AKAP9: variants seen among roughly 807,000 people sequenced by gnomAD.
The protein encoded by AKAP9 is A-kinase anchoring protein 9.
Under a neutral mutation model 488.5 loss-of-function variants are expected in AKAP9, and 311 were observed. The observed-to-expected ratio is 0.64, with a 90% CI of 0.58 to 0.70. The LOEUF (loss-of-function observed/expected upper bound fraction) is 0.70. Ranked by LOEUF, AKAP9 falls within the 30% of genes least tolerant of loss-of-function variation. The probability of loss-of-function intolerance (pLI) is 0.00; values close to 1 mark genes in which losing one functional copy is unlikely to be tolerated. For missense variants in AKAP9, 4,215 were observed against 4,374.5 expected (o/e 0.96, Z 1.03); for synonymous variants, 1,462 against 1,483.5 (o/e 0.99, Z 0.33).
At position 92,017,083 on chromosome 7, in the gene AKAP9, T is replaced by A; in HGVS notation, c.3818T>A (p.Leu1273His). Residue 1273 changes from leucine (L) to histidine (H), a missense_variant, in exon 12 of 50, where the codon CTT (leucine) becomes CAT (histidine). Physicochemically the swap from Leu to His is moderately conservative, Grantham distance 99. This residue lies in a region of AKAP9 where 2,361 missense variants were observed against 2,430.0 expected (regional missense o/e 0.97). Transcript: ENST00000356239. Reference protein sequence around the residue: ...VTEEYNKLLVLQTRLSKIWGQ... With the variant: ...VTEEYNKLLVHQTRLSKIWGQ... The stretch of plus-strand genomic sequence containing the variant: ...GAAGAATACAACAAACTCTTGGTAC[T>A]TCAAACACGACTAAGCAAGGTCTGT... The A allele has an allele frequency of 6.3e-7, 1 of 1,582,860 alleles. No individual in the cohort carries two copies. Among genetic ancestry groups the A allele is most frequent in the Non-Finnish European group, 8.6e-7 (1 of 1,156,804 alleles).
Position 92,014,348 on chromosome 7 carries a change from T to A in AKAP9, c.3612+20T>A, listed in dbSNP as rs776854488. 3 of 1,538,524 alleles carry A rather than the reference T, an allele frequency of 1.9e-6. No individual in the cohort carries two copies. The highest frequency in any genetic ancestry group is 2.7e-6 in the Non-Finnish European group (3 of 1,115,138). ...TTACAGGTAAAATGTTTAAAAGTAC[T>A]TTTATGGCCAGATGTGGTGGCTGAC... is the stretch of plus-strand genomic sequence containing the variant. On this transcript the variant is annotated intron_variant, in intron 10 of 49. Transcript: ENST00000356239.
chr7:92,047,224 C>T (rs1807153063), intron 21 of AKAP9, among the ~76,000 whole-genome samples: 1 of 148,708 alleles, frequency 6.7e-6, no homozygotes, highest in Non-Finnish European at 1.5e-5. Context: ...GTTTTCTTTC[C>T]TTTTTTTTTT....
chr7:92,101,379 G>A (rs1402095531), intron 45 of AKAP9, among the ~76,000 whole-genome samples: 1 of 151,612 alleles, frequency 6.6e-6, no homozygotes, highest in Non-Finnish European at 1.5e-5. Context: ...GGAGGTTGCA[G>A]TGAGCCGAGA....
chr7:92,070,927 G>T lies in AKAP9; in HGVS notation c.6530G>T (p.Gly2177Val). Residue 2177 changes from glycine to valine, a missense_variant, in exon 28 of 50, where the codon GGA (glycine) becomes GTA (valine). By Grantham distance (109) the Gly-to-Val change is moderately radical. This residue lies in a region of AKAP9 where 2,361 missense variants were observed against 2,430.0 expected (regional missense o/e 0.97). Coordinates refer to ENST00000356239, the MANE Select transcript of AKAP9 (RefSeq NM_005751.5). The part of the protein sequence containing the change: ...FQKVEDRKHF[G>V]AVEAKPELSL... ...AAGGTAGAGGACCGAAAACACTTTG[G>T]AGCTGTAGAAGCTAAACCAGAATTG... is the stretch of plus-strand genomic sequence containing the variant. 6.2e-7 allele frequency: 1 copy of T among 1,613,604 alleles called. No individual in the cohort carries two copies.
At position 92,003,051 on chromosome 7, in the gene AKAP9, A is replaced by G. The variant is rs1727626361; in HGVS notation, c.3134A>G (p.Glu1045Gly). ...VSKVNKSFGE[E>G]SKIMVEDKVS... is the part of the protein sequence containing the mutation. The stretch of plus-strand genomic sequence containing the variant: ...AAAGTAAATAAAAGTTTTGGTGAAG[A>G]ATCAAAAATAATGGTGGAAGATAAA... Residue 1045 changes from glutamate (E) to glycine (G), a missense_variant, in exon 8 of 50, where the codon GAA becomes GGA. Physicochemically the swap from Glu to Gly is moderately conservative, Grantham distance 98. Transcript: ENST00000356239. The G allele has an allele frequency of 3.7e-6, 6 of 1,613,282 alleles. No homozygotes were observed. Among genetic ancestry groups the G allele is most frequent in the African/African-American group, 1.3e-5 (1 of 75,006 alleles).
intron 31 of AKAP9, among the ~76,000 whole-genome samples, chr7:92,080,977 A>C (rs1385534492): frequency 2.0e-5 from 3 of 152,198 alleles, no homozygotes; most frequent in African/African-American, 7.2e-5. Context: ...TTAACTTAAC[A>C]CTGTGTAGTC....
At chr7:91,970,584 A>G (rs1441423412) in intron 1 of AKAP9, 2 of 437,862 alleles carry the variant, frequency 4.6e-6, no homozygotes, top group South Asian at 1.7e-5. Context: ...TTTGAAGGAT[A>G]GCTTTGCTGG....
chr7:92,009,726 A>G (rs1800429940), intron 8 of AKAP9, among the ~76,000 whole-genome samples: 1 of 152,238 alleles, frequency 6.6e-6, no homozygotes, highest in African/African-American at 2.4e-5. Flanking sequence ...ATTATAGATG[A>G]ATCTTACTTA....
chr7:92,097,754 G>A lies in AKAP9; in HGVS notation c.10567G>A (p.Ala3523Thr). The change falls in exon 42 of 50, where the codon GCT becomes ACT. Residue 3523 changes from alanine to threonine, a missense_variant. Physicochemically the swap from Ala to Thr is moderately conservative, Grantham distance 58 (BLOSUM62 0). Around this residue, in one of 5 missense-constraint regions of AKAP9, gnomAD observed 1,476 missense variants for 1,477.4 expected, o/e 1.00. Coordinates refer to ENST00000356239, the MANE Select transcript of AKAP9 (RefSeq NM_005751.5). ...GATCAGACAAAAGCTTCAATGTGTA[G>A]CTTCAAAACTACAGGTTCTACCCCA... Reference protein sequence around the residue: ...EMIRQKLQCVASKLQVLPQKA... With the variant: ...EMIRQKLQCVTSKLQVLPQKA... The A allele has an allele frequency of 6.2e-7, 1 of 1,614,188 alleles. No homozygotes were observed. The highest frequency in any genetic ancestry group is 1.1e-5 in the South Asian group (1 of 91,088).
chr7:92,001,021 A>T lies in AKAP9; in HGVS notation c.1104A>T (p.Gln368His). 1.3e-6 allele frequency: 2 copies of T among 1,571,276 alleles called. No homozygotes were observed. Among genetic ancestry groups the T allele is most frequent in the Admixed American group, 1.9e-5 (1 of 52,784 alleles). ...LLGELQEQIV[Q>H]KNQEIKNMKL... is the part of the protein sequence containing the mutation. ...GAGAATTACAAGAACAGATTGTGCA[A>T]AAGAACCAAGAAATAAAAAACATGA... The change falls in exon 8 of 50, where the codon CAA becomes CAT. Residue 368 changes from glutamine (Q) to histidine (H), a missense_variant. Around this residue, in one of 5 missense-constraint regions of AKAP9, gnomAD observed 2,361 missense variants for 2,430.0 expected, o/e 0.97. Coordinates refer to ENST00000356239, the MANE Select transcript of AKAP9 (RefSeq NM_005751.5).
chr7:91,951,626 A>G (rs941474029), intron 1 of AKAP9, among the ~76,000 whole-genome samples: 1 of 152,082 alleles, frequency 6.6e-6, no homozygotes, highest in African/African-American at 2.4e-5. Context: ...CGCCCAGCCA[A>G]TTTTCTCTTT....
chr7:92,033,442 CTTTT>C (rs35497475), intron 16 of AKAP9, among the ~76,000 whole-genome samples: 3 of 107,340 alleles, frequency 2.8e-5, no homozygotes, highest in East Asian at 5.0e-4. Flanking sequence ...CTTTTCTTTT[CTTTT>C]TTTTTTTTTT....
rs1366935225 is a variant in AKAP9, at chr7:91,980,685, CATTTT to C, written c.351+353_351+357del. 1.6e-4 allele frequency among the ~76,000 whole-genome samples: 25 copies of C among 151,632 alleles called. No individual in the cohort carries two copies. The East Asian group carries it at 4.1e-3, about 25-fold the overall frequency. ...TTTTGAGACTTTGAATAGGATATTTCATTTTGAGTAATGCTTTTTTATAAATGCTT... is the reference window on the plus strand; with the variant it reads ...TTTTGAGACTTTGAATAGGATATTTCGAGTAATGCTTTTTTATAAATGCTT... On this transcript the variant is annotated intron_variant, in intron 3 of 49. Coordinates refer to ENST00000356239, the MANE Select transcript of AKAP9 (RefSeq NM_005751.5).
At chr7:92,038,382 A>G (rs780471262) in intron 16 of AKAP9, 37 bp from the exon 17 acceptor site, 12 of 1,521,866 alleles carry the variant, frequency 7.9e-6, no homozygotes, top group Non-Finnish European at 9.1e-6. Flanking sequence ...TGATATTTCT[A>G]AATCTAATCC....
chr7:92,001,997 C>A lies in AKAP9; in HGVS notation c.2080C>A (p.Gln694Lys). Reference protein sequence around the residue: ...EKDNLITKQNQLILEISKLKD... With the variant: ...EKDNLITKQNKLILEISKLKD... ...GGACAATTTGATAACTAAGCAGAAT[C>A]AATTAATTTTGGAAATTTCAAAGCT... is the stretch of plus-strand genomic sequence containing the variant. Residue 694 changes from glutamine to lysine, a missense_variant, in exon 8 of 50, where the codon CAA becomes AAA. By Grantham distance (53) the Gln-to-Lys change is moderately conservative (BLOSUM62 1). Coordinates refer to ENST00000356239, the MANE Select transcript of AKAP9 (RefSeq NM_005751.5). The A allele has an allele frequency of 6.2e-7, 1 of 1,611,642 alleles. No individual in the cohort carries two copies. Among genetic ancestry groups the A allele is most frequent in the South Asian group, 1.1e-5 (1 of 90,250 alleles).
In AKAP9 at chr7:92,093,188, G is replaced by T. The variant is rs983376080; in HGVS notation, c.9450G>T (p.Leu3150=). The change falls in exon 39 of 50, where the codon CTG becomes CTT. Residue 3150 remains leucine (L), a synonymous_variant. Transcript: ENST00000356239. ...LSSMKDRATE[L]QEQLSSEKMV... ...GTATGAAAGACAGAGCAACGGAACT[G>T]CAGGAGCAGCTGAGTTCTGAGAAAA... is the stretch of plus-strand genomic sequence containing the variant. The T allele has an allele frequency of 7.4e-6, 12 of 1,614,068 alleles. No individual in the cohort carries two copies. Among genetic ancestry groups the T allele is most frequent in the Non-Finnish European group, 1.0e-5 (12 of 1,180,034 alleles).
chr7:92,095,006 T>A lies in AKAP9; in HGVS notation c.9579-17T>A. ...TCAACATAGCTTTATGGAAATTCATTTGTCTTTCTGACTTAGGTTGGAAGT... is the reference window on the plus strand; with the variant it reads ...TCAACATAGCTTTATGGAAATTCATATGTCTTTCTGACTTAGGTTGGAAGT... On this transcript the variant is annotated splice_polypyrimidine_tract_variant and intron_variant, in intron 39 of 49. Transcript: ENST00000356239. 1 of 1,612,778 alleles carries A rather than the reference T, an allele frequency of 6.2e-7. No homozygotes were observed. The highest frequency in any genetic ancestry group is 8.5e-7 in the Non-Finnish European group (1 of 1,178,796).
intron 17 of AKAP9, among the ~76,000 whole-genome samples, chr7:92,039,110 T>G (rs900533679): frequency 3.9e-5 from 6 of 152,214 alleles, no homozygotes; most frequent in African/African-American, 1.4e-4. Flanking sequence ...TTTACCATGT[T>G]GGACAGGATG....
At chr7:92,018,226 T>C (rs1801791142) in intron 12 of AKAP9, among the ~76,000 whole-genome samples, 1 of 151,964 alleles carries the variant, frequency 6.6e-6, no homozygotes. Context: ...TTTAAAAATA[T>C]TAGGAAGTAT....
Sources: allele counts gnomAD v4.1 joint callset (sites outside exome capture counted in the v4.1 genomes callset), GRCh38; gene constraint gnomAD v4.1.1; regional missense constraint gnomAD v4.1.1; transcripts MANE v1.5; gene names NCBI Gene and HGNC (gene_info 2026-07-23, HGNC 2026-07-21).